Variants in LRMDA observed in about 807,000 individuals in gnomAD.
LRMDA encodes the protein leucine rich melanocyte differentiation associated, also known as leucine-rich melanocyte differentiation-associated protein.
In LRMDA, 18 loss-of-function variants were observed where a neutral mutation model predicts 29.8. The observed-to-expected ratio is 0.60, with a 90% CI of 0.42 to 0.90. The LOEUF is 0.90. LRMDA is among the 40% of genes least tolerant of loss of function. LRMDA has a pLI of 0.00. For synonymous variants in LRMDA, 125 were observed against 109.4 expected (o/e 1.14, Z -0.89); for missense variants, 273 against 273.9 (o/e 1.00, Z 0.02).
chr10:76,088,234 G>C (rs995850774), intron 5 of LRMDA, among the ~76,000 whole-genome samples: 1 of 152,214 alleles, frequency 6.6e-6, no homozygotes, highest in South Asian at 2.1e-4. Context: ...CTGGGTGACA[G>C]TCATGGTCAC....
chr10:75,486,708 A>C (rs914979525), intron 2 of LRMDA, among the ~76,000 whole-genome samples: 1 of 152,146 alleles, frequency 6.6e-6, no homozygotes, highest in Non-Finnish European at 1.5e-5. Context: ...GAGAAGGCAC[A>C]CACCCTCCTC....
chr10:76,330,317 A>T lies in LRMDA; in HGVS notation c.601+5832A>T, dbSNP rs1436651980. On this transcript the variant is annotated intron_variant, in intron 6 of 6. Coordinates refer to ENST00000611255, the MANE Select transcript of LRMDA (RefSeq NM_001305581.2). ...GAAAACTAGTTTTATGCTTATGTTGATGAAGAATGGACAGCTGTGTAGAAA... is the reference window on the plus strand; with the variant it reads ...GAAAACTAGTTTTATGCTTATGTTGTTGAAGAATGGACAGCTGTGTAGAAA... Among the ~76,000 whole-genome samples the T allele has an allele frequency of 2.0e-5, 3 of 152,176 alleles. No individual in the cohort carries two copies. In the East Asian group the frequency reaches 5.8e-4, roughly 29 times the overall value.
intron 6 of LRMDA, chr10:76,437,477 T>A (rs1417159052): frequency 2.0e-5 from 3 of 152,222 alleles, no homozygotes; most frequent in African/African-American, 7.2e-5. Context: ...CTAGGAAATG[T>A]TTATTGAGGA....
At position 75,436,517 on chromosome 10, in the gene LRMDA, G is replaced by C. The variant is rs191222400; in HGVS notation, c.31-1877G>C. ...AAGTCTGGCTCTGTCGCCCAGGCTGGAGTGCAGTGGTGCAATCTCGGCTCA... is the reference window on the plus strand; with the variant it reads ...AAGTCTGGCTCTGTCGCCCAGGCTGCAGTGCAGTGGTGCAATCTCGGCTCA... On this transcript the variant is annotated intron_variant, in intron 1 of 6. Coordinates refer to ENST00000611255, the MANE Select transcript of LRMDA (RefSeq NM_001305581.2). Among the ~76,000 whole-genome samples, 753 of 151,960 alleles carry C rather than the reference G, an allele frequency of 5.0e-3. 10 individuals carry two copies. Among genetic ancestry groups the C allele is most frequent in the Middle Eastern group, 0.02 (6 of 294 alleles).
chr10:76,240,359 T>C (rs926535788), intron 5 of LRMDA, among the ~76,000 whole-genome samples: 1 of 149,004 alleles, frequency 6.7e-6, no homozygotes, highest in Non-Finnish European at 1.5e-5. Flanking sequence ...TATGTTCTCA[T>C]TCACCACCTT....
chr10:75,915,048 C>T (rs1845907091), intron 2 of LRMDA, among the ~76,000 whole-genome samples: 1 of 148,848 alleles, frequency 6.7e-6, no homozygotes, highest in Non-Finnish European at 1.5e-5. Context: ...ACTACAAATA[C>T]TATAGCTTTA....
chr10:76,381,795 G>A (rs1268307303), intron 6 of LRMDA, among the ~76,000 whole-genome samples: 1 of 152,210 alleles, frequency 6.6e-6, no homozygotes, highest in Non-Finnish European at 1.5e-5. Context: ...CTACCATCTT[G>A]TATTGTCCTG....
chr10:75,985,034 C>T (rs1002210888), intron 2 of LRMDA, among the ~76,000 whole-genome samples: 5 of 152,190 alleles, frequency 3.3e-5, no homozygotes, highest in African/African-American at 1.2e-4. Context: ...AACTCCTTGT[C>T]TCCCAGATGA....
chr10:75,485,507 G>A (rs761578778), intron 2 of LRMDA, among the ~76,000 whole-genome samples: 1 of 151,888 alleles, frequency 6.6e-6, no homozygotes, highest in African/African-American at 2.4e-5. Context: ...AGTGATTCTT[G>A]TTCCTCAGCC....
chr10:76,380,460 G>C (rs1841575800), intron 6 of LRMDA, among the ~76,000 whole-genome samples: 1 of 151,998 alleles, frequency 6.6e-6, no homozygotes, highest in Non-Finnish European at 1.5e-5. Flanking sequence ...ACAAGGTCAG[G>C]AGATCGAGAC....
chr10:76,407,888 A>C (rs1841919088), intron 6 of LRMDA, among the ~76,000 whole-genome samples: 1 of 152,204 alleles, frequency 6.6e-6, no homozygotes. Flanking sequence ...TAAGAAGGGC[A>C]GTATGTTAAA....
intron 6 of LRMDA, among the ~76,000 whole-genome samples, chr10:76,449,806 T>A (rs1362080517): frequency 6.6e-6 from 1 of 151,984 alleles, no homozygotes; most frequent in East Asian, 1.9e-4. Context: ...GAAATGTAAA[T>A]TATCTGGACT....
chr10:76,190,491 A>G (rs1851225234), intron 5 of LRMDA, among the ~76,000 whole-genome samples: 1 of 152,198 alleles, frequency 6.6e-6, no homozygotes, highest in Non-Finnish European at 1.5e-5. Context: ...TTTGACTGCC[A>G]GTGACTGGAC....
At chr10:76,374,857 G>A (rs772737658) in intron 6 of LRMDA, among the ~76,000 whole-genome samples, 1 of 152,034 alleles carries the variant, frequency 6.6e-6, no homozygotes, top group Non-Finnish European at 1.5e-5. Flanking sequence ...GTTCCCTTTA[G>A]CTCTTTAGTA....
chr10:75,505,168 G>C (rs1845157099), intron 2 of LRMDA, among the ~76,000 whole-genome samples: 2 of 152,282 alleles, frequency 1.3e-5, no homozygotes, highest in Admixed American at 6.5e-5. Flanking sequence ...CTCAAGAGTA[G>C]CTAACAAGAG....
At chr10:75,993,305 TGGA>T (rs377622603) in intron 2 of LRMDA, among the ~76,000 whole-genome samples, 8 of 152,134 alleles carry the variant, frequency 5.3e-5, no homozygotes, top group Middle Eastern at 3.4e-3. Context: ...CTGATGATGA[TGGA>T]GGAGGAGGAG....
intron 6 of LRMDA, among the ~76,000 whole-genome samples, chr10:76,433,545 T>A (rs1339374307): frequency 6.6e-6 from 1 of 152,152 alleles, no homozygotes. Flanking sequence ...CGATTAGTAT[T>A]GATGCCTGTC....
At chr10:75,781,964 G>A (rs1297597575) in intron 2 of LRMDA, among the ~76,000 whole-genome samples, 1 of 152,186 alleles carries the variant, frequency 6.6e-6, no homozygotes, top group Non-Finnish European at 1.5e-5. Flanking sequence ...TTCTGGCTGT[G>A]TCTTGGCTAT....
At chr10:75,778,557 G>A (rs118147286) in intron 2 of LRMDA, among the ~76,000 whole-genome samples, 6 of 152,264 alleles carry the variant, frequency 3.9e-5, no homozygotes, top group East Asian at 3.9e-4. Context: ...CAATGAGGAT[G>A]GGGGAGGCAC....
Sources: allele counts gnomAD v4.1 joint callset (sites outside exome capture counted in the v4.1 genomes callset), GRCh38; gene constraint gnomAD v4.1.1; transcripts MANE v1.5; gene names NCBI Gene and HGNC (gene_info 2026-07-23, HGNC 2026-07-21).